GPC3: variants seen among roughly 807,000 people sequenced by gnomAD.
GPC3 encodes the protein glypican 3.
GPC3 carries 3 observed loss-of-function variants against 34.4 expected under a neutral mutation model. The ratio of observed to expected loss-of-function variants is 0.09; its 90% confidence interval spans 0.04 to 0.23. GPC3 has a LOEUF of 0.23. Among genes scored for constraint, GPC3 ranks in the 10% least tolerant of loss-of-function variants. The probability of loss-of-function intolerance (pLI) is 1.00; values close to 1 mark genes in which losing one functional copy is unlikely to be tolerated. For missense variants in GPC3, 351 were observed against 445.6 expected (o/e 0.79, Z 1.91); for synonymous variants, 177 against 174.0 (o/e 1.02, Z -0.13).
At chrX:133,951,719 A>C (rs2076393852) in intron 2 of GPC3, among the ~76,000 whole-genome samples, 1 of 112,264 alleles carries the variant, frequency 8.9e-6, no homozygotes, top group African/African-American at 3.2e-5. Flanking sequence ...GACTGCATAA[A>C]TAGTTTAACA....
At chrX:133,651,006 A>T (rs1291248438) in intron 6 of GPC3, among the ~76,000 whole-genome samples, 1 of 110,707 alleles carries the variant, frequency 9.0e-6, no homozygotes, top group Non-Finnish European at 1.9e-5. Context: ...AAACTAAATA[A>T]TCCAGTGTTT....
chrX:133,571,347 T>G (rs2069628164), intron 7 of GPC3, among the ~76,000 whole-genome samples: 1 of 111,732 alleles, frequency 8.9e-6, no homozygotes, highest in African/African-American at 3.3e-5. Flanking sequence ...CTACTTTTTT[T>G]GGGGTGTCCT....
intron 2 of GPC3, among the ~76,000 whole-genome samples, chrX:133,889,801 C>T (rs1189426230): frequency 5.9e-5 from 6 of 101,132 alleles, no homozygotes; most frequent in Non-Finnish European, 8.0e-5. Context: ...GAGAAGACCA[C>T]GGTTTCCTAT....
intron 7 of GPC3, among the ~76,000 whole-genome samples, chrX:133,562,158 G>A (rs757774636): frequency 1.8e-5 from 2 of 111,892 alleles, no homozygotes; most frequent in South Asian, 3.8e-4. Flanking sequence ...TTTAAAAAGC[G>A]AAAATAGTGC....
intron 7 of GPC3, among the ~76,000 whole-genome samples, chrX:133,553,966 GC>G (rs1019947904): frequency 9.1e-6 from 1 of 110,092 alleles, no homozygotes; most frequent in African/African-American, 3.3e-5. Flanking sequence ...TCCATCCTGA[GC>G]TCTCTACAGC....
At chrX:133,946,110 T>C (rs2076367257) in intron 2 of GPC3, among the ~76,000 whole-genome samples, 1 of 112,262 alleles carries the variant, frequency 8.9e-6, no homozygotes, top group Non-Finnish European at 1.9e-5. Flanking sequence ...CCACAGTACC[T>C]GCCTTTAGAC....
intron 2 of GPC3, among the ~76,000 whole-genome samples, chrX:133,771,088 C>G (rs905480699): frequency 9.0e-6 from 1 of 111,493 alleles, no homozygotes; most frequent in African/African-American, 3.3e-5. Context: ...TGTCTGCTCT[C>G]GGTACACTGA....
intron 3 of GPC3, among the ~76,000 whole-genome samples, chrX:133,737,010 C>T (rs988617214): frequency 9.0e-6 from 1 of 111,709 alleles, no homozygotes; most frequent in Non-Finnish European, 1.9e-5. Context: ...AAAAGATGCT[C>T]CAAACAAATA....
intron 5 of GPC3, among the ~76,000 whole-genome samples, chrX:133,677,259 T>A (rs2070893484): frequency 9.0e-6 from 1 of 111,679 alleles, no homozygotes; most frequent in African/African-American, 3.3e-5. Context: ...CTCACTGCTG[T>A]CGTCAGGAGA....
intron 2 of GPC3, among the ~76,000 whole-genome samples, chrX:133,833,175 G>A (rs913282740): frequency 8.1e-5 from 9 of 111,497 alleles, no homozygotes; most frequent in African/African-American, 2.3e-4. Flanking sequence ...GATGTCTTAC[G>A]ATCATCTCTT....
chrX:133,631,185 T>C (rs866185527), intron 6 of GPC3, among the ~76,000 whole-genome samples: 1 of 112,041 alleles, frequency 8.9e-6, no homozygotes, highest in Non-Finnish European at 1.9e-5. Flanking sequence ...TTTGCATTAC[T>C]GTACAACCAA....
chrX:133,985,583 T>C lies in GPC3; in HGVS notation c.-134A>G. The C allele has an allele frequency of 1.9e-6, 1 of 537,804 alleles. No individual in the cohort carries two copies. The highest frequency in any genetic ancestry group is 2.8e-6 in the Non-Finnish European group (1 of 358,812). The allele number at this position is 537,804 out of a possible 1,213,427, so 44.3% of individuals were successfully genotyped here. ...CTACCCAGCCGCTGCAAAAGTTTCC[T>C]CGCAGCTACCTGGGCGCTGGGCGAG... On this transcript the variant is annotated 5_prime_UTR_variant, in exon 1 of 8. Coordinates refer to ENST00000370818, the MANE Select transcript of GPC3 (RefSeq NM_004484.4).
chrX:133,968,639 C>T (rs1556363500), intron 1 of GPC3, among the ~76,000 whole-genome samples: 1 of 111,145 alleles, frequency 9.0e-6, no homozygotes, highest in African/African-American at 3.3e-5. Context: ...ATTAGCACCG[C>T]CCCCATCACA....
chrX:133,577,083 G>A (rs903976671), intron 7 of GPC3, among the ~76,000 whole-genome samples: 1 of 111,761 alleles, frequency 8.9e-6, no homozygotes, highest in African/African-American at 3.3e-5. Context: ...AGCTCACCTT[G>A]ACTCTAACGT....
intron 7 of GPC3, among the ~76,000 whole-genome samples, chrX:133,576,232 T>TTTGTTTG (rs1569386633): frequency 9.1e-6 from 1 of 110,343 alleles, no homozygotes; most frequent in African/African-American, 3.3e-5. Context: ...AGCTCTGTTT[T>TTTGTTTG]TTTGTTTGTT....
intron 3 of GPC3, among the ~76,000 whole-genome samples, chrX:133,720,477 C>A (rs2071352913): frequency 9.0e-6 from 1 of 111,666 alleles, no homozygotes; most frequent in Non-Finnish European, 1.9e-5. Context: ...CTCTTTTTGC[C>A]TGCCGCCATC....
rs751532604 is a variant in GPC3, at chrX:133,540,806, A to G, written c.1574-4513T>C. On this transcript the variant is annotated intron_variant, in intron 7 of 7. Transcript: ENST00000370818. ...CTGAATGAATGGTTATTCCAGGCAG[A>G]GGGTACAGCCTGACCAAAATCACCA... Among the ~76,000 whole-genome samples the G allele has an allele frequency of 1.0e-3, 112 of 111,170 alleles. 1 individual carries two copies. The highest frequency in any genetic ancestry group is 1.7e-3 in the Non-Finnish European group (91 of 53,038).
chrX:133,662,083 G>A (rs771917154), intron 5 of GPC3, among the ~76,000 whole-genome samples: 21 of 111,214 alleles, frequency 1.9e-4, no homozygotes, highest in Non-Finnish European at 2.6e-4. Flanking sequence ...ATACAACAAT[G>A]AACAAGACAG....
intron 4 of GPC3, among the ~76,000 whole-genome samples, chrX:133,699,113 G>A (rs2071142101): frequency 2.7e-5 from 3 of 111,731 alleles, no homozygotes; most frequent in Admixed American, 1.9e-4. Context: ...TAGGCCACGT[G>A]TGGTGGCTCA....
Sources: allele counts gnomAD v4.1 joint callset (sites outside exome capture counted in the v4.1 genomes callset), GRCh38; gene constraint gnomAD v4.1.1; transcripts MANE v1.5; gene names NCBI Gene and HGNC (gene_info 2026-07-23, HGNC 2026-07-21).